EFNA5: variants seen among roughly 807,000 people sequenced by gnomAD.
EFNA5 encodes the protein ephrin-A5.
EFNA5 carries 5 observed loss-of-function variants against 22.9 expected under a neutral mutation model. The ratio of observed to expected loss-of-function variants is 0.22; its 90% CI spans 0.11 to 0.46. The LOEUF (loss-of-function observed/expected upper bound fraction) is 0.46. Among genes scored for constraint, EFNA5 ranks in the 20% least tolerant of loss-of-function variants. The pLI, the probability that EFNA5 is intolerant of heterozygous loss-of-function variation, is 0.99. For missense variants in EFNA5, 237 were observed against 293.3 expected, an observed-to-expected ratio of 0.81 and a Z score of 1.40; for synonymous variants, 113 against 112.2, an observed-to-expected ratio of 1.01 and a Z score of -0.04.
intron 1 of EFNA5, among the ~76,000 whole-genome samples, chr5:107,549,436 C>T (rs1310712116): frequency 6.6e-6 from 1 of 152,210 alleles, no homozygotes; most frequent in African/African-American, 2.4e-5. Context: ...AGTGGATGCT[C>T]ATAGTTTACC....
At chr5:107,539,249 C>A (rs1192332060) in intron 1 of EFNA5, among the ~76,000 whole-genome samples, 1 of 152,152 alleles carries the variant, frequency 6.6e-6, no homozygotes, top group African/African-American at 2.4e-5. Context: ...GCACCATTTG[C>A]GAAGGCAGTG....
chr5:107,588,755 A>T (rs1362160354), intron 1 of EFNA5, among the ~76,000 whole-genome samples: 1 of 152,218 alleles, frequency 6.6e-6, no homozygotes, highest in Non-Finnish European at 1.5e-5. Flanking sequence ...GTGTAATAGA[A>T]TGTAGAGAGG....
At chr5:107,487,079 A>G (rs901364392) in intron 1 of EFNA5, among the ~76,000 whole-genome samples, 1 of 152,214 alleles carries the variant, frequency 6.6e-6, no homozygotes, top group Non-Finnish European at 1.5e-5. Flanking sequence ...CATAGGGTCA[A>G]GGCCCATGGT....
At chr5:107,442,655 GA>G (rs1244556302) in intron 1 of EFNA5, among the ~76,000 whole-genome samples, 19 of 151,942 alleles carry the variant, frequency 1.3e-4, no homozygotes, top group Non-Finnish European at 1.9e-4. Flanking sequence ...TTGCCCTAAT[GA>G]AACAAAGCTA....
chr5:107,380,580 GAA>G lies in EFNA5; in HGVS notation c.*673_*674del, dbSNP rs200218848. ...CATTCCACACCCAACCTGCCTCCTA[GAA>G]AAAAAAAAAAGGCTTCTTTTAGAGA... On this transcript the variant is annotated 3_prime_UTR_variant, in exon 5 of 5. Coordinates refer to ENST00000333274, the MANE Select transcript of EFNA5 (RefSeq NM_001962.3). 1.2e-3 allele frequency: 328 copies of G among 280,748 alleles called. No homozygotes were observed. Among genetic ancestry groups the G allele is most frequent in the Middle Eastern group, 1.8e-3 (2 of 1,082 alleles). The allele number at this position is 280,748 out of a possible 1,614,324, so 17.4% of individuals were successfully genotyped here.
At position 107,476,056 on chromosome 5, in the gene EFNA5, ATT is replaced by A. The variant is rs1251405666; in HGVS notation, c.126-48549_126-48548del. ...TTGAGAGTTTTTAAACTATATATAT[ATT>A]TTTTTTTTTTGAGACAGAGTCTTGC... On this transcript the variant is annotated intron_variant, in intron 1 of 4. Transcript: ENST00000333274. Among the ~76,000 whole-genome samples, 155 of 115,400 alleles carry A rather than the reference ATT, an allele frequency of 1.3e-3. 32 individuals are homozygous for A. Among genetic ancestry groups the A allele is most frequent in the African/African-American group, 5.0e-3 (144 of 28,622 alleles). The allele number at this position is 115,400 out of a possible 152,430, so 75.7% of individuals were successfully genotyped here.
intron 1 of EFNA5, among the ~76,000 whole-genome samples, chr5:107,514,284 A>C (rs1747433010): frequency 6.6e-6 from 1 of 152,222 alleles, no homozygotes; most frequent in Non-Finnish European, 1.5e-5. Context: ...GACTAAATAC[A>C]GATTGGAGTA....
chr5:107,427,613 T>G (rs1354914794), intron 1 of EFNA5, 104 bp from the exon 2 acceptor site: 2 of 1,052,766 alleles, frequency 1.9e-6, no homozygotes, highest in Non-Finnish European at 2.7e-6. Flanking sequence ...AAGCATCTAG[T>G]ATAGTAAGTT....
intron 2 of EFNA5, among the ~76,000 whole-genome samples, chr5:107,416,393 A>G (rs968021521): frequency 1.3e-5 from 2 of 152,170 alleles, no homozygotes; most frequent in Non-Finnish European, 2.9e-5. Flanking sequence ...GTCAAACTAC[A>G]TGGGTTCAAA....
chr5:107,384,912 C>T (rs1747571710), intron 4 of EFNA5, among the ~76,000 whole-genome samples: 1 of 151,382 alleles, frequency 6.6e-6, no homozygotes, highest in Non-Finnish European at 1.5e-5. Flanking sequence ...CAGTGCCTCA[C>T]ACCTGTAAGA....
Position 107,549,210 on chromosome 5 carries a change from A to C in EFNA5, c.125+121279T>G, listed in dbSNP as rs540360720. ...AATTGATTTACATGATAGTTTTTCCAGAATGCTTTATTTTTCTTTCGGATT... is the reference window on the plus strand; with the variant it reads ...AATTGATTTACATGATAGTTTTTCCCGAATGCTTTATTTTTCTTTCGGATT... On this transcript the variant is annotated intron_variant, in intron 1 of 4. Coordinates refer to ENST00000333274, the MANE Select transcript of EFNA5 (RefSeq NM_001962.3). Among the ~76,000 whole-genome samples, 3 of 152,340 alleles carry C rather than the reference A, an allele frequency of 2.0e-5. No individual in the cohort carries two copies. The East Asian group carries it at 5.8e-4, about 29-fold the overall frequency.
At chr5:107,669,967 C>G (rs1163596698) in intron 1 of EFNA5, among the ~76,000 whole-genome samples, 1 of 151,494 alleles carries the variant, frequency 6.6e-6, no homozygotes, top group East Asian at 2.0e-4. Context: ...CAGCCCCCCT[C>G]ACTTCCCCCA....
intron 1 of EFNA5, among the ~76,000 whole-genome samples, chr5:107,552,923 T>A (rs1429476047): frequency 6.6e-6 from 1 of 152,220 alleles, no homozygotes; most frequent in Non-Finnish European, 1.5e-5. Context: ...CAATAGTAAT[T>A]TACCTGTGAG....
intron 1 of EFNA5, among the ~76,000 whole-genome samples, chr5:107,473,434 A>C (rs887559397): frequency 6.6e-6 from 1 of 152,114 alleles, no homozygotes; most frequent in Non-Finnish European, 1.5e-5. Context: ...CACACCAAGA[A>C]GAGCCAGGTG....
chr5:107,611,794 G>C (rs1476928505), intron 1 of EFNA5, among the ~76,000 whole-genome samples: 2 of 152,178 alleles, frequency 1.3e-5, no homozygotes, highest in Non-Finnish European at 2.9e-5. Context: ...TACTGAAAAG[G>C]AATTAAATTA....
chr5:107,505,786 C>T (rs1053421023), intron 1 of EFNA5, among the ~76,000 whole-genome samples: 6 of 152,118 alleles, frequency 3.9e-5, no homozygotes, highest in African/African-American at 7.2e-5. Context: ...ACATTCTTTA[C>T]CTAACTCATT....
intron 1 of EFNA5, among the ~76,000 whole-genome samples, chr5:107,588,329 A>G (rs906806826): frequency 4.6e-5 from 7 of 151,820 alleles, no homozygotes; most frequent in Admixed American, 1.3e-4. Flanking sequence ...AGTCACCCCA[A>G]TTGTATCCTT....
intron 1 of EFNA5, among the ~76,000 whole-genome samples, chr5:107,522,331 G>C (rs1161966211): frequency 6.6e-6 from 1 of 152,170 alleles, no homozygotes; most frequent in Non-Finnish European, 1.5e-5. Context: ...GGGTCACCCA[G>C]GACTTTATGC....
chr5:107,617,868 C>T (rs1749955781), intron 1 of EFNA5, among the ~76,000 whole-genome samples: 1 of 152,104 alleles, frequency 6.6e-6, no homozygotes, highest in African/African-American at 2.4e-5. Flanking sequence ...ATTCAAAAAT[C>T]ATGCACTTCA....
Sources: allele counts gnomAD v4.1 joint callset (sites outside exome capture counted in the v4.1 genomes callset), GRCh38; gene constraint gnomAD v4.1.1; transcripts MANE v1.5; gene names NCBI Gene and HGNC (gene_info 2026-07-23, HGNC 2026-07-21).